Variants in NEBL observed in about 807,000 individuals in gnomAD.
NEBL encodes the protein LIM and SH3 protein 2.
NEBL carries 122 observed loss-of-function variants against 140.2 expected under a neutral mutation model. The observed-to-expected ratio is 0.87, with a 90% CI of 0.75 to 1.01. NEBL has a LOEUF of 1.01. Among genes scored for constraint, NEBL ranks in the 50% least tolerant of loss-of-function variants. The probability of loss-of-function intolerance (pLI) is 0.00; values close to 1 mark genes in which losing one functional copy is unlikely to be tolerated. For missense variants in NEBL, 1,365 were observed against 1,231.3 expected, an observed-to-expected ratio of 1.11 and a Z score of -1.62; for synonymous variants, 436 against 398.9, an observed-to-expected ratio of 1.09 and a Z score of -1.11.
intron 2 of NEBL, among the ~76,000 whole-genome samples, chr10:21,058,316 C>T (rs986878458): frequency 6.6e-6 from 1 of 152,178 alleles, no homozygotes; most frequent in Non-Finnish European, 1.5e-5. Context: ...CTCTTTTGGA[C>T]TTTTGGAAGG....
chr10:21,202,425 A>G (rs1054856615), intron 3 of NEBL, among the ~76,000 whole-genome samples: 1 of 150,690 alleles, frequency 6.6e-6, no homozygotes, highest in Non-Finnish European at 1.5e-5. Flanking sequence ...TGGACAGAAT[A>G]GAGTTGATTC....
At chr10:21,026,210 A>G (rs1839022809) in intron 2 of NEBL, among the ~76,000 whole-genome samples, 1 of 152,164 alleles carries the variant, frequency 6.6e-6, no homozygotes, top group African/African-American at 2.4e-5. Context: ...GACATTTGGC[A>G]ATAGGCAACG....
At chr10:21,131,833 T>G (rs986166612) in intron 2 of NEBL, among the ~76,000 whole-genome samples, 2 of 152,166 alleles carry the variant, frequency 1.3e-5, no homozygotes, top group East Asian at 1.9e-4. Flanking sequence ...TGGGTCCCAG[T>G]GCCCTTGGGT....
At chr10:20,866,060 T>C (rs1844249583) in intron 7 of NEBL, among the ~76,000 whole-genome samples, 1 of 152,220 alleles carries the variant, frequency 6.6e-6, no homozygotes, top group Non-Finnish European at 1.5e-5. Context: ...AAATCTTCAG[T>C]GATGTCTTCT....
chr10:20,888,503 T>C (rs1310779891), intron 3 of NEBL, among the ~76,000 whole-genome samples: 1 of 152,268 alleles, frequency 6.6e-6, no homozygotes, highest in African/African-American at 2.4e-5. Context: ...GACAGTTTCA[T>C]GCTGGATGAG....
At chr10:20,921,084 C>T (rs1039645573) in intron 4 of NEBL, among the ~76,000 whole-genome samples, 2 of 152,174 alleles carry the variant, frequency 1.3e-5, no homozygotes, top group Admixed American at 6.5e-5. Context: ...AATCTACATT[C>T]GTGAATAGTC....
chr10:20,786,602 A>T (rs925144005), intron 27 of NEBL, among the ~76,000 whole-genome samples: 1 of 152,210 alleles, frequency 6.6e-6, no homozygotes, highest in East Asian at 1.9e-4. Flanking sequence ...CTGGGACCCA[A>T]AGAATTTTAG....
chr10:20,910,004 T>C (rs1848264869), intron 4 of NEBL, among the ~76,000 whole-genome samples: 1 of 152,138 alleles, frequency 6.6e-6, no homozygotes, highest in African/African-American at 2.4e-5. Flanking sequence ...AAATATCCCC[T>C]TTTCAGCAAA....
chr10:21,040,586 A>C (rs528976366), intron 2 of NEBL, among the ~76,000 whole-genome samples: 1 of 152,288 alleles, frequency 6.6e-6, no homozygotes, highest in South Asian at 2.1e-4. Flanking sequence ...TACCATGGGG[A>C]GGACACAAAG....
chr10:20,982,442 T>C, intron 3 of NEBL, among the ~76,000 whole-genome samples: 1 of 152,222 alleles, frequency 6.6e-6, no homozygotes, highest in East Asian at 1.9e-4. Context: ...CTTCTGGTGA[T>C]AATCATATTT....
At chr10:20,789,265 TTAAATA>T (rs1835708609) in intron 26 of NEBL, among the ~76,000 whole-genome samples, 1 of 152,200 alleles carries the variant, frequency 6.6e-6, no homozygotes, top group Non-Finnish European at 1.5e-5. Flanking sequence ...GTTTGAAAGA[TTAAATA>T]TAAACATCTC....
intron 3 of NEBL, among the ~76,000 whole-genome samples, chr10:21,014,655 A>T (rs1039806163): frequency 6.6e-6 from 1 of 152,140 alleles, no homozygotes; most frequent in Admixed American, 6.6e-5. Flanking sequence ...ATCTTACTGG[A>T]TGGTTAGATG....
chr10:20,945,608 A>T (rs915001290), intron 4 of NEBL, among the ~76,000 whole-genome samples: 18 of 152,336 alleles, frequency 1.2e-4, no homozygotes, highest in African/African-American at 4.1e-4. Context: ...GGATGAGAAG[A>T]AAGTCTGGTT....
At chr10:21,254,509 T>A (rs542293563) in intron 1 of NEBL, among the ~76,000 whole-genome samples, 7 of 152,230 alleles carry the variant, frequency 4.6e-5, no homozygotes, top group African/African-American at 1.7e-4. Flanking sequence ...AGTGGCACAA[T>A]GTTGGCTCAC....
intron 2 of NEBL, among the ~76,000 whole-genome samples, chr10:21,159,037 C>A (rs1194696710): frequency 1.3e-5 from 2 of 152,136 alleles, no homozygotes; most frequent in African/African-American, 4.8e-5. Context: ...CTCAGTGATC[C>A]ATCTTTTAAA....
At chr10:21,106,175 G>A (rs191168341) in intron 2 of NEBL, among the ~76,000 whole-genome samples, 3,571 of 152,190 alleles carry the variant, frequency 0.023, 60 homozygotes, top group Middle Eastern at 0.048. Flanking sequence ...TTGCTGTGCA[G>A]AAGATCTTTA....
At chr10:20,952,792 C>T (rs547072627) in intron 4 of NEBL, among the ~76,000 whole-genome samples, 1 of 150,594 alleles carries the variant, frequency 6.6e-6, no homozygotes, top group Non-Finnish European at 1.5e-5. Flanking sequence ...GTAATCCCAG[C>T]TACTCAGGAC....
intron 4 of NEBL, among the ~76,000 whole-genome samples, chr10:20,915,994 G>T (rs1698279784): frequency 6.6e-6 from 1 of 152,170 alleles, no homozygotes; most frequent in African/African-American, 2.4e-5. Flanking sequence ...TAGTTATATA[G>T]GACAGTAAGA....
At chr10:20,979,125 A>G (rs1271297113) in intron 3 of NEBL, among the ~76,000 whole-genome samples, 1 of 152,218 alleles carries the variant, frequency 6.6e-6, no homozygotes, top group Admixed American at 6.5e-5. Flanking sequence ...TTATTAAAAT[A>G]ATACACGTAG....
Sources: allele counts gnomAD v4.1 joint callset (sites outside exome capture counted in the v4.1 genomes callset), GRCh38; gene constraint gnomAD v4.1.1; transcripts MANE v1.5; gene names NCBI Gene and HGNC (gene_info 2026-07-23, HGNC 2026-07-21).